Variants in MYRF observed in about 807,000 individuals in gnomAD.
MYRF encodes the protein myelin gene regulatory factor.
A neutral mutation model predicts 126.3 loss-of-function variants in MYRF; 16 were observed. The observed-to-expected ratio is 0.13, with a 90% confidence interval of 0.09 to 0.19. The LOEUF (loss-of-function observed/expected upper bound fraction) is 0.19. MYRF is among the 10% of genes least tolerant of loss of function. The probability of loss-of-function intolerance (pLI) is 1.00; values close to 1 mark genes in which losing one functional copy is unlikely to be tolerated. For missense variants in MYRF, 1,104 were observed against 1,547.0 expected (o/e 0.71, Z 4.80); for synonymous variants, 608 against 635.3 (o/e 0.96, Z 0.65).
Position 61,757,928 on chromosome 11 carries a change from G to A in MYRF, c.46+5138G>A, listed in dbSNP as rs2135691451. Among the ~76,000 whole-genome samples the A allele has an allele frequency of 6.6e-6, 1 of 152,316 alleles. No individual in the cohort carries two copies. Among genetic ancestry groups the A allele is most frequent in the Non-Finnish European group, 1.5e-5 (1 of 68,002 alleles). On this transcript the variant is annotated intron_variant, in intron 1 of 26. Coordinates refer to ENST00000278836, the MANE Select transcript of MYRF (RefSeq NM_001127392.3). This position sits in a 1 kb window ranked among gnomAD's most constrained non-coding sequence, Gnocchi z 4.7. ...CCAGCCTGGGATGGGCAGGGAAGGG[G>A]CCTCTCCTCCTGACATGCTGAGGGG...
chr11:61,762,158 T>A (rs964432977), intron 1 of MYRF, among the ~76,000 whole-genome samples: 2 of 150,666 alleles, frequency 1.3e-5, no homozygotes, highest in African/African-American at 4.9e-5. Context: ...GGCCTTGATG[T>A]GGGATGGAGG....
At chr11:61,781,083 T>C (rs1463614184) in intron 20 of MYRF, 38 bp downstream of exon 20, 2 of 1,610,946 alleles carry the variant, frequency 1.2e-6, no homozygotes, top group Non-Finnish European at 1.7e-6. Flanking sequence ...ACAGGGAGGT[T>C]GCTATGTTCT....
chr11:61,765,861 C>T, intron 2 of MYRF, 97 bp from the exon 3 acceptor site: 2 of 1,449,660 alleles, frequency 1.4e-6, no homozygotes, highest in Non-Finnish European at 1.8e-6. Context: ...CCACTGACTC[C>T]TCCGAAATCT....
chr11:61,774,690 CT>C (rs2066328079), intron 8 of MYRF, among the ~76,000 whole-genome samples: 1 of 150,758 alleles, frequency 6.6e-6, no homozygotes, highest in Admixed American at 6.6e-5. Context: ...TCTTGTTGGG[CT>C]CATCAACCTG....
intron 25 of MYRF, chr11:61,785,131 G>A (rs948612019): frequency 4.6e-5 from 7 of 153,004 alleles, no homozygotes; most frequent in Admixed American, 1.3e-4. Flanking sequence ...GAGAAAAGAC[G>A]TGCAGAAAGC....
chr11:61,760,083 C>G (rs559199364), intron 1 of MYRF, among the ~76,000 whole-genome samples: 24 of 152,162 alleles, frequency 1.6e-4, no homozygotes, highest in African/African-American at 5.3e-4. Flanking sequence ...ATTCTCCTGC[C>G]TCAGCCTCCT....
At position 61,771,545 on chromosome 11, in the gene MYRF, C is replaced by G. The variant is rs148482194; in HGVS notation, c.786C>G (p.Pro262=). The stretch of plus-strand genomic sequence containing the variant: ...AGAAGAGGAAGCACTCTGAATCCCC[C>G]CCCAGCACCCTCAATGCCCAGATGC... The part of the protein sequence containing the change: ...PSKKRKHSES[P]PSTLNAQMLN... Residue 262 remains proline, a synonymous_variant, in exon 6 of 27, where the codon CCC becomes CCG. Coordinates refer to ENST00000278836, the MANE Select transcript of MYRF (RefSeq NM_001127392.3). The G allele has an allele frequency of 1.2e-5, 20 of 1,614,020 alleles. No homozygotes were observed. In the African/African-American group the frequency reaches 2.4e-4, roughly 19 times the overall value.
chr11:61,767,584 G>C (rs1338554685), intron 3 of MYRF: 2 of 365,992 alleles, frequency 5.5e-6, no homozygotes, highest in Admixed American at 7.0e-5. Context: ...CCAGCACTTT[G>C]GAAGGCCAAG....
At position 61,786,072 on chromosome 11, in the gene MYRF, A is replaced by C; in HGVS notation, c.3385A>C (p.Asn1129His). The change falls in exon 27 of 27, where the codon AAC becomes CAC. Residue 1129 changes from asparagine (N) to histidine (H), a missense_variant. By Grantham distance (68) the Asn-to-His change is moderately conservative (BLOSUM62 1). Coordinates refer to ENST00000278836, the MANE Select transcript of MYRF (RefSeq NM_001127392.3). This position sits in a 1 kb window ranked among gnomAD's most constrained non-coding sequence, Gnocchi z 4.5. ...CTGCCCTTCCACCCAGGGTCAGGCC[A>C]ACTGCAGTTCAGAGGCTCTCGCCCA... is the stretch of plus-strand genomic sequence containing the variant. ...HFRVALLGQA[N>H]CSSEALAQPA... 1 of 1,614,166 alleles carries C rather than the reference A, an allele frequency of 6.2e-7. No homozygotes were observed. The highest frequency in any genetic ancestry group is 8.5e-7 in the Non-Finnish European group (1 of 1,180,014).
chr11:61,771,369 T>G, intron 5 of MYRF, 131 bp from the exon 6 acceptor site: 1 of 1,271,746 alleles, frequency 7.9e-7, no homozygotes, highest in Non-Finnish European at 1.1e-6. Flanking sequence ...GAGGGCTTCC[T>G]GAAGGAGGTG....
intron 8 of MYRF, among the ~76,000 whole-genome samples, chr11:61,775,423 G>A (rs2066349546): frequency 6.6e-6 from 1 of 152,194 alleles, no homozygotes; most frequent in South Asian, 2.1e-4. Context: ...CCCCTCCCCA[G>A]GGGCCCCTCC....
intron 5 of MYRF, 129 bp from the exon 6 acceptor site, chr11:61,771,371 A>T: frequency 6.3e-6 from 8 of 1,279,160 alleles, no homozygotes; most frequent in Admixed American, 5.1e-5. Flanking sequence ...GGGCTTCCTG[A>T]AGGAGGTGTC....
rs369640319 is a variant in MYRF at position 61,779,343 on chromosome 11, G to A, written c.2094G>A (p.Glu698=). Residue 698 remains glutamate, a synonymous_variant, in exon 15 of 27, where the codon GAG becomes GAA. Transcript: ENST00000278836. ...LTDNLETRID[E]LERWSHKLAK... The stretch of plus-strand genomic sequence containing the variant: ...ACAACCTGGAGACGCGCATTGATGA[G>A]CTGGAGCGCTGGAGCCACAAGCTGG... The A allele has an allele frequency of 8.4e-6, 13 of 1,551,020 alleles. No homozygotes were observed. Among genetic ancestry groups the A allele is most frequent in the African/African-American group, 5.5e-5 (4 of 73,046 alleles).
intron 8 of MYRF, 21 bp downstream of exon 8, chr11:61,774,183 G>A (rs774802772): frequency 1.3e-6 from 2 of 1,583,800 alleles, no homozygotes; most frequent in South Asian, 2.2e-5. Flanking sequence ...GGCTCAGCAA[G>A]GAAGGGAGGG....
At chr11:61,767,898 A>G (rs1222939987) in intron 3 of MYRF, among the ~76,000 whole-genome samples, 2 of 150,888 alleles carry the variant, frequency 1.3e-5, no homozygotes, top group African/African-American at 4.9e-5. Flanking sequence ...TGGGCAGATC[A>G]CTTGAGGCCT....
intron 16 of MYRF, 97 bp downstream of exon 16, chr11:61,779,667 G>C (rs2066486174): frequency 1.6e-6 from 2 of 1,277,132 alleles, no homozygotes; most frequent in Admixed American, 2.8e-5. Flanking sequence ...TGCCTCTGGT[G>C]CTTCCCTCTC....
intron 25 of MYRF, 26 bp downstream of exon 25, chr11:61,784,411 C>G (rs933901455): frequency 2.5e-6 from 4 of 1,584,652 alleles, no homozygotes; most frequent in Non-Finnish European, 3.5e-6. Flanking sequence ...AAGCTGCGGG[C>G]CGGCCAGGCC....
chr11:61,786,295 A>G lies in MYRF; in HGVS notation c.*152A>G, dbSNP rs2066693618. Reference sequence around the variant, plus strand: ...GACTGGTGAAACTGGAAGTCTTCACACTGGAGTTGCTGTTCCAGCTGGTCG... The same window carrying G: ...GACTGGTGAAACTGGAAGTCTTCACGCTGGAGTTGCTGTTCCAGCTGGTCG... On this transcript the variant is annotated 3_prime_UTR_variant, in exon 27 of 27. Transcript: ENST00000278836. This position sits in a 1 kb window ranked among gnomAD's most constrained non-coding sequence, Gnocchi z 4.5. 1 of 737,196 alleles carries G rather than the reference A, an allele frequency of 1.4e-6. No individual in the cohort carries two copies. Among genetic ancestry groups the G allele is most frequent in the African/African-American group, 1.8e-5 (1 of 57,074 alleles). 45.7% of individuals were successfully genotyped at this position (737,196 alleles called of 1,614,324 possible). A position where few individuals can be genotyped will look rare whatever the true frequency, so the allele number is the denominator to read the frequency against.
intron 1 of MYRF, among the ~76,000 whole-genome samples, chr11:61,756,684 C>T (rs141178555): frequency 0.031 from 1,640 of 52,884 alleles, 34 homozygotes; most frequent in African/African-American, 0.11. Flanking sequence ...TGAACAGAGG[C>T]GGCGGGGGTG....
Sources: allele counts gnomAD v4.1 joint callset (sites outside exome capture counted in the v4.1 genomes callset), GRCh38; gene constraint gnomAD v4.1.1; non-coding constraint Gnocchi (gnomAD v3.1); transcripts MANE v1.5; gene names NCBI Gene and HGNC (gene_info 2026-07-23, HGNC 2026-07-21).